Variants in SBDS observed in about 807,000 individuals in gnomAD.
SBDS encodes SBDS ribosome maturation factor.
SBDS carries 20 observed loss-of-function variants against 26.4 expected under a neutral mutation model. That is an observed-to-expected ratio of 0.76 (90% CI 0.53 to 1.10). The LOEUF (loss-of-function observed/expected upper bound fraction) is 1.10. SBDS is among the 50% of genes least tolerant of loss of function. The pLI is 0.00. For missense variants in SBDS, 241 were observed against 302.0 expected (o/e 0.80, Z 1.50); for synonymous variants, 95 against 105.1 (o/e 0.90, Z 0.59).
chr7:66,988,807 TA>T (rs1258202471), intron 4 of SBDS, among the ~76,000 whole-genome samples: 1 of 152,214 alleles, frequency 6.6e-6, no homozygotes, highest in African/African-American at 2.4e-5. Flanking sequence ...TACTAAAATT[TA>T]GCATTACATT....
chr7:66,995,498 G>T lies in SBDS; in HGVS notation c.-81C>A, dbSNP rs1206993629. 6.2e-7 allele frequency: 1 copy of T among 1,604,262 alleles called. No homozygotes were observed. Among genetic ancestry groups the T allele is most frequent in the Non-Finnish European group, 8.5e-7 (1 of 1,174,082 alleles). On this transcript the variant is annotated 5_prime_UTR_variant, in exon 1 of 5. Coordinates refer to ENST00000246868, the MANE Select transcript of SBDS (RefSeq NM_016038.4). Reference sequence around the variant, plus strand: ...GCCTGAAGGCCACCAGCGCCTCGCGGTAACGACCGATCGGCGCGCGGCACT... The same window carrying T: ...GCCTGAAGGCCACCAGCGCCTCGCGTTAACGACCGATCGGCGCGCGGCACT...
chr7:66,988,491 C>G lies in SBDS; in HGVS notation c.633G>C (p.Leu211=). The part of the protein sequence containing the change: ...DYGQQLEIVC[L]IDPGCFREID... The stretch of plus-strand genomic sequence containing the variant: ...TTTCTCGGAAGCAGCCCGGGTCAAT[C>G]AGACATACCTGAAACATTTAACGTA... The change falls in exon 5 of 5, where the codon CTG becomes CTC. Residue 211 remains leucine, a synonymous_variant. Transcript: ENST00000246868. 1 of 1,613,660 alleles carries G rather than the reference C, an allele frequency of 6.2e-7. No individual in the cohort carries two copies. The highest frequency in any genetic ancestry group is 8.5e-7 in the Non-Finnish European group (1 of 1,179,994).
intron 4 of SBDS, 83 bp downstream of exon 4, chr7:66,991,054 A>C (rs1365114932): frequency 3.9e-6 from 5 of 1,282,256 alleles, no homozygotes; most frequent in Non-Finnish European, 4.4e-6. Context: ...GACGTTTACA[A>C]CATCTAAATG....
chr7:66,994,062 C>T, intron 2 of SBDS, 150 bp downstream of exon 2: 1 of 703,918 alleles, frequency 1.4e-6, no homozygotes, highest in Non-Finnish European at 2.3e-6. Context: ...ACAAAACCAC[C>T]AAGTTCTTTA....
rs1793096884 is a variant in SBDS at position 66,995,577 on chromosome 7, CAG to C, written c.-162_-161del. The stretch of plus-strand genomic sequence containing the variant: ...ACTCACTAGCTTCAGGCAGCCGTCA[CAG>C]TGTGTCTGGCAGGCTTACTTACTGC... On this transcript the variant is annotated 5_prime_UTR_variant, in exon 1 of 5. Coordinates refer to ENST00000246868, the MANE Select transcript of SBDS (RefSeq NM_016038.4). 4.8e-6 allele frequency: 5 copies of C among 1,044,744 alleles called. No individual in the cohort carries two copies. Among genetic ancestry groups the C allele is most frequent in the Non-Finnish European group, 7.1e-6 (5 of 706,800 alleles). The allele number at this position is 1,044,744 out of a possible 1,614,324, so 64.7% of individuals were successfully genotyped here.
In SBDS at chr7:66,995,400, G is replaced by A; in HGVS notation, c.18C>T (p.Pro6=). The A allele has an allele frequency of 3.7e-6, 6 of 1,613,964 alleles. No homozygotes were observed. The highest frequency in any genetic ancestry group is 5.1e-6 in the Non-Finnish European group (6 of 1,179,988). ...CATTGGTTAGGCGGATCTGGTTGGTGGGGGTGAAGATCGACATCGCGGCTG... is the reference window on the plus strand; with the variant it reads ...CATTGGTTAGGCGGATCTGGTTGGTAGGGGTGAAGATCGACATCGCGGCTG... MSIFT[P]TNQIRLTNVA... Residue 6 remains proline (P), a synonymous_variant, in exon 1 of 5, where the codon CCC becomes CCT. Transcript: ENST00000246868.
At chr7:66,991,876 C>T (rs1373687720) in intron 3 of SBDS, among the ~76,000 whole-genome samples, 2 of 152,124 alleles carry the variant, frequency 1.3e-5, no homozygotes, top group East Asian at 1.9e-4. Context: ...CGACAAGATA[C>T]CACCAGGATG....
intron 3 of SBDS, 51 bp from the exon 4 acceptor site, chr7:66,991,352 A>G (rs1792970698): frequency 6.9e-7 from 1 of 1,445,648 alleles, no homozygotes; most frequent in Admixed American, 1.8e-5. Context: ...TTATTTCATA[A>G]GGTTTTCAAA....
chr7:66,991,751 G>A lies in SBDS; in HGVS notation c.460-450C>T, dbSNP rs527449995. 2.3e-3 allele frequency among the ~76,000 whole-genome samples: 243 copies of A among 107,284 alleles called. 1 individual carries two copies. Among genetic ancestry groups the A allele is most frequent in the Admixed American group, 3.9e-3 (35 of 9,072 alleles). The allele number at this position is 107,284 out of a possible 152,430, so 70.4% of individuals were successfully genotyped here. On this transcript the variant is annotated intron_variant, in intron 3 of 4. Coordinates refer to ENST00000246868, the MANE Select transcript of SBDS (RefSeq NM_016038.4). ...GAGGCAGAGTTTGCAAAAAGAGGGC[G>A]GGGGGGGTGGGCAAAGAACCTGAAC...
rs574946204 is a variant in SBDS, at chr7:66,991,420, G to A, written c.460-119C>T. On this transcript the variant is annotated intron_variant, in intron 3 of 4. Coordinates refer to ENST00000246868, the MANE Select transcript of SBDS (RefSeq NM_016038.4). Reference sequence around the variant, plus strand: ...AATGGTTTCTTAGGTATAACATTAAGAACATAAGTGACCGTTAAAAAAAAA... The same window carrying A: ...AATGGTTTCTTAGGTATAACATTAAAAACATAAGTGACCGTTAAAAAAAAA... 10 of 738,518 alleles carry A rather than the reference G, an allele frequency of 1.4e-5. No homozygotes were observed. In the Admixed American group the frequency reaches 2.0e-4, roughly 15 times the overall value. The allele number at this position is 738,518 out of a possible 1,614,324, so 45.7% of individuals were successfully genotyped here. A position where few individuals can be genotyped will look rare whatever the true frequency, so the allele number is the denominator to read the frequency against.
chr7:66,993,343 A>G lies in SBDS; in HGVS notation c.333T>C (p.Ile111=), dbSNP rs367957034. The G allele has an allele frequency of 5.6e-6, 9 of 1,614,106 alleles. No homozygotes were observed. In the African/African-American group the frequency reaches 1.2e-4, roughly 22 times the overall value. The change falls in exon 3 of 5, where the codon ATT becomes ATC. Residue 111 remains isoleucine (I), a synonymous_variant. Coordinates refer to ENST00000246868, the MANE Select transcript of SBDS (RefSeq NM_016038.4). ...HTQLEQMFRD[I]ATIVADKCVN... ...CACATTTGTCTGCCACAATAGTTGCAATGTCCCTAAACATCTGCTCCAGTT... is the reference window on the plus strand; with the variant it reads ...CACATTTGTCTGCCACAATAGTTGCGATGTCCCTAAACATCTGCTCCAGTT...
In SBDS at chr7:66,995,481, G is replaced by A; in HGVS notation, c.-64C>T. On this transcript the variant is annotated 5_prime_UTR_variant, in exon 1 of 5. Coordinates refer to ENST00000246868, the MANE Select transcript of SBDS (RefSeq NM_016038.4). ...CTGACCCGCGCCGTCCAGCCTGAAG[G>A]CCACCAGCGCCTCGCGGTAACGACC... 1 of 1,609,182 alleles carries A rather than the reference G, an allele frequency of 6.2e-7. No individual in the cohort carries two copies.
rs1395275351 is a variant in SBDS, at chr7:66,993,415, A to T, written c.261T>A (p.Ile87=). Residue 87 remains isoleucine, a splice_region_variant and synonymous_variant, in exon 3 of 5, where the codon ATT becomes ATA. Transcript: ENST00000246868. Reference sequence around the variant, plus strand: ...ATACTTGAACTTCTCCTTTAGTCAAAATCTAAAAAAATGCCAACACATTTA... The same window carrying T: ...ATACTTGAACTTCTCCTTTAGTCAATATCTAAAAAAATGCCAACACATTTA... The part of the protein sequence containing the change: ...TDDQTEICKQ[I]LTKGEVQVSD... 21 of 1,612,414 alleles carry T rather than the reference A, an allele frequency of 1.3e-5. No individual in the cohort carries two copies. The highest frequency in any genetic ancestry group is 1.6e-5 in the Non-Finnish European group (19 of 1,178,782).
At chr7:66,989,348 C>G (rs1392587192) in intron 4 of SBDS, among the ~76,000 whole-genome samples, 1 of 151,644 alleles carries the variant, frequency 6.6e-6, no homozygotes, top group Non-Finnish European at 1.5e-5. Context: ...GAGTTCGAGA[C>G]CAGCCTGACC....
Position 66,988,339 on chromosome 7 carries a change from T to A in SBDS, c.*32A>T, listed in dbSNP as rs766366970. The A allele has an allele frequency of 1.2e-6, 2 of 1,608,302 alleles. No homozygotes were observed. ...AGTGCCGTCGGAAACGGAAACACTT[T>A]AGTGTTTTAGAGGTGAAGAGATTGA... On this transcript the variant is annotated 3_prime_UTR_variant, in exon 5 of 5. Transcript: ENST00000246868.
In SBDS at chr7:66,988,367, G is replaced by C; in HGVS notation, c.*4C>G. On this transcript the variant is annotated 3_prime_UTR_variant, in exon 5 of 5. Transcript: ENST00000246868. ...TGTTTTAGAGGTGAAGAGATTGATG[G>C]GTGTCATTCAAATTTCTCATCTCCT... 1 of 1,612,840 alleles carries C rather than the reference G, an allele frequency of 6.2e-7. No homozygotes were observed. Among genetic ancestry groups the C allele is most frequent in the Non-Finnish European group, 8.5e-7 (1 of 1,179,858 alleles).
In SBDS at chr7:66,995,450, C is replaced by A. The variant is rs897405945; in HGVS notation, c.-33G>T. The A allele has an allele frequency of 6.2e-7, 1 of 1,612,568 alleles. No individual in the cohort carries two copies. Among genetic ancestry groups the A allele is most frequent in the Admixed American group, 1.7e-5 (1 of 60,028 alleles). On this transcript the variant is annotated 5_prime_UTR_variant, in exon 1 of 5. Transcript: ENST00000246868. ...GTTCAAAGACCCAGAAGCCGGCGAA[C>A]CAGGGCTGACCCGCGCCGTCCAGCC...
chr7:66,991,119 A>G lies in SBDS; in HGVS notation c.624+18T>C. ...AATATTTAGGTAACATGAAGCAAAG[A>G]AAATATTTGACTCTTACGATTTCTA... On this transcript the variant is annotated intron_variant, in intron 4 of 4. Transcript: ENST00000246868. The G allele has an allele frequency of 6.2e-7, 1 of 1,604,800 alleles. No individual in the cohort carries two copies. The highest frequency in any genetic ancestry group is 1.1e-5 in the South Asian group (1 of 89,882).
intron 1 of SBDS, 193 bp downstream of exon 1, chr7:66,995,097 C>G: frequency 1.3e-6 from 1 of 742,464 alleles, no homozygotes; most frequent in Non-Finnish European, 2.2e-6. Flanking sequence ...TCCGAACCAA[C>G]CAAATAAAGA....
Sources: gnomAD v4.1 joint callset for allele counts (sites outside exome capture counted in the v4.1 genomes callset) on GRCh38, gnomAD v4.1.1 for gene constraint, MANE v1.5 for transcripts, NCBI Gene and HGNC (gene_info 2026-07-23, HGNC 2026-07-21) for gene names.